TLE3: variants seen among roughly 807,000 people sequenced by gnomAD.
TLE3 encodes the protein transducin-like enhancer protein 3.
A neutral mutation model predicts 93.0 loss-of-function variants in TLE3; 14 were observed. The ratio of observed to expected loss-of-function variants is 0.15; its 90% CI spans 0.10 to 0.24. The LOEUF (loss-of-function observed/expected upper bound fraction) is 0.24, where lower values mean the gene tolerates loss of function less well. TLE3 is among the 10% of genes least tolerant of loss of function. The probability of loss-of-function intolerance (pLI) is 1.00; values close to 1 mark genes in which losing one functional copy is unlikely to be tolerated. For synonymous variants in TLE3, 451 were observed against 425.0 expected, an observed-to-expected ratio of 1.06 and a Z score of -0.75; for missense variants, 693 against 1,046.6, an observed-to-expected ratio of 0.66 and a Z score of 4.66.
chr15:70,064,218 T>C (rs868091512), intron 8 of TLE3, among the ~76,000 whole-genome samples: 11 of 152,318 alleles, frequency 7.2e-5, no homozygotes, highest in Middle Eastern at 3.4e-3. Flanking sequence ...TGACAGTAGC[T>C]ACCCCTCACC....
intron 4 of TLE3, among the ~76,000 whole-genome samples, chr15:70,093,453 G>A (rs2058396125): frequency 6.6e-6 from 1 of 152,198 alleles, no homozygotes; most frequent in Admixed American, 6.5e-5. Flanking sequence ...CCTTGTAAAC[G>A]ACTGTTAATT....
chr15:70,075,346 G>C (rs1338747672), intron 5 of TLE3, among the ~76,000 whole-genome samples: 1 of 152,268 alleles, frequency 6.6e-6, no homozygotes, highest in Non-Finnish European at 1.5e-5. Context: ...AAAAGTGGTT[G>C]CATTAATTCC....
At position 70,058,930 on chromosome 15, in the gene TLE3, A is replaced by T; in HGVS notation, c.766-115T>A. On this transcript the variant is annotated intron_variant, in intron 10 of 19. Transcript: ENST00000451782. This position sits in a 1 kb window ranked among gnomAD's most constrained non-coding sequence, Gnocchi z 4.1. The stretch of plus-strand genomic sequence containing the variant: ...GGCGATGGGAAGACGAGCTTGGCTG[A>T]AAGACTGGGGGCCCCACAGTGAGGA... 1.5e-6 allele frequency: 2 copies of T among 1,378,810 alleles called. No homozygotes were observed. Among genetic ancestry groups the T allele is most frequent in the East Asian group, 5.3e-5 (2 of 37,884 alleles). The allele number at this position is 1,378,810 out of a possible 1,614,324, so 85.4% of individuals were successfully genotyped here. A position where few individuals can be genotyped will look rare whatever the true frequency, so the allele number is the denominator to read the frequency against.
chr15:70,061,277 C>T (rs747281459), intron 8 of TLE3, among the ~76,000 whole-genome samples: 35 of 152,184 alleles, frequency 2.3e-4, no homozygotes, highest in Non-Finnish European at 4.7e-4. Context: ...AAAAATGCCA[C>T]GTCATGAAGC....
At chr15:70,084,439 G>T (rs1370033111) in intron 4 of TLE3, among the ~76,000 whole-genome samples, 1 of 152,210 alleles carries the variant, frequency 6.6e-6, no homozygotes, top group African/African-American at 2.4e-5. Flanking sequence ...GGCAATCCCT[G>T]ATCCACATGT....
At chr15:70,065,106 C>CA (rs1291154965) in intron 7 of TLE3, among the ~76,000 whole-genome samples, 12 of 152,098 alleles carry the variant, frequency 7.9e-5, no homozygotes, top group Non-Finnish European at 1.6e-4. Context: ...TACTGTAAGA[C>CA]AAAAAAATGT....
intron 14 of TLE3, 78 bp from the exon 15 acceptor site, chr15:70,055,376 T>C (rs1674125702): frequency 8.0e-6 from 12 of 1,509,368 alleles, no homozygotes; most frequent in Admixed American, 4.2e-5. Flanking sequence ...CCAGGTCATC[T>C]GCACTGCCCC....
Position 70,054,507 on chromosome 15 carries a change from T to G in TLE3, c.1757A>C (p.Lys586Thr). 6.2e-7 allele frequency: 1 copy of G among 1,614,000 alleles called. No homozygotes were observed. The highest frequency in any genetic ancestry group is 8.5e-7 in the Non-Finnish European group (1 of 1,179,900). The change falls in exon 16 of 20, where the codon AAA becomes ACA. Residue 586 changes from lysine to threonine, a missense_variant. By Grantham distance (78) the Lys-to-Thr change is moderately conservative (BLOSUM62 -1). Around this residue, in one of 4 missense-constraint regions of TLE3, gnomAD observed 153 missense variants for 379.9 expected, o/e 0.40. Transcript: ENST00000451782. ...ATCGCTGCAGCAGGAGAAGCAGACT[T>G]TGGCGTCAGGGCTAATGGCCAGGGC... ...CYALAISPDA[K>T]VCFSCCSDGN...
At chr15:70,064,904 TAAAAAAA>T (rs36022217) in intron 7 of TLE3, among the ~76,000 whole-genome samples, 4 of 137,948 alleles carry the variant, frequency 2.9e-5, no homozygotes, top group Non-Finnish European at 4.7e-5. Context: ...ACTTTATTGT[TAAAAAAA>T]AAAAAAAAAA....
chr15:70,089,195 C>A (rs545760422), intron 4 of TLE3, among the ~76,000 whole-genome samples: 76 of 152,336 alleles, frequency 5.0e-4, no homozygotes, highest in African/African-American at 1.8e-3. Flanking sequence ...TCGCGCCAAG[C>A]AAAGCCCTCA....
intron 4 of TLE3, among the ~76,000 whole-genome samples, chr15:70,082,722 G>C (rs1250945863): frequency 6.6e-6 from 1 of 152,228 alleles, no homozygotes; most frequent in African/African-American, 2.4e-5. Flanking sequence ...GGAAGGGAAG[G>C]GGATGCTGGC....
Position 70,074,527 on chromosome 15 carries a change from ACGT to A in TLE3, c.372+3_372+5del. On this transcript the variant is annotated splice_donor_5th_base_variant and intron_variant, in intron 6 of 19. Coordinates refer to ENST00000451782, the MANE Select transcript of TLE3 (RefSeq NM_001105192.3). The stretch of plus-strand genomic sequence containing the variant: ...CGGTAAGAGGCAGATTGGGGAGTCC[ACGT>A]ACCCCGATGATGGCGTTCAGCTCCG... The A allele has an allele frequency of 6.2e-7, 1 of 1,609,918 alleles. No homozygotes were observed. Among genetic ancestry groups the A allele is most frequent in the Non-Finnish European group, 8.5e-7 (1 of 1,177,476 alleles).
At chr15:70,059,376 C>T (rs1464395271) in intron 10 of TLE3, 34 bp downstream of exon 10, 1 of 1,596,702 alleles carries the variant, frequency 6.3e-7, no homozygotes, top group Admixed American at 1.7e-5. Flanking sequence ...CCATGCCAAA[C>T]CAAGAGCCCC....
chr15:70,094,312 C>G (rs1456735113), intron 4 of TLE3, among the ~76,000 whole-genome samples: 8 of 151,770 alleles, frequency 5.3e-5, no homozygotes, highest in Admixed American at 5.2e-4. Flanking sequence ...AAGACCAGGA[C>G]TAATTTCACA....
chr15:70,086,834 C>T (rs916642572), intron 4 of TLE3, among the ~76,000 whole-genome samples: 6 of 152,150 alleles, frequency 3.9e-5, no homozygotes, highest in African/African-American at 1.4e-4. Flanking sequence ...GCTTTGTCAT[C>T]TCTTCCTCCC....
intron 8 of TLE3, among the ~76,000 whole-genome samples, chr15:70,063,830 G>A (rs964912202): frequency 3.9e-5 from 6 of 152,344 alleles, no homozygotes; most frequent in South Asian, 2.1e-4. Context: ...CTTAATGCTC[G>A]CCTGCTAGCA....
chr15:70,069,319 G>T (rs150431328), intron 6 of TLE3, among the ~76,000 whole-genome samples: 1 of 152,176 alleles, frequency 6.6e-6, no homozygotes, highest in Non-Finnish European at 1.5e-5. Context: ...GTTGGGACAG[G>T]AAGCATCAAT....
rs141619873 is a variant in TLE3, at chr15:70,052,231, G to A, written c.2125+143C>T. On this transcript the variant is annotated intron_variant, in intron 18 of 19. Coordinates refer to ENST00000451782, the MANE Select transcript of TLE3 (RefSeq NM_001105192.3). Reference sequence around the variant, plus strand: ...ACAAGATCACTTAAGGGTGTTGAAGGGGCACCAGCTCAGGGGTCAGGAGGC... The same window carrying A: ...ACAAGATCACTTAAGGGTGTTGAAGAGGCACCAGCTCAGGGGTCAGGAGGC... 7.2e-6 allele frequency: 7 copies of A among 971,394 alleles called. No homozygotes were observed. In the African/African-American group the frequency reaches 8.2e-5, roughly 11 times the overall value. The allele number at this position is 971,394 out of a possible 1,614,324, so 60.2% of individuals were successfully genotyped here. A position where few individuals can be genotyped will look rare whatever the true frequency, so the allele number is the denominator to read the frequency against.
chr15:70,077,294 A>AT (rs2057494483), intron 4 of TLE3, among the ~76,000 whole-genome samples: 3 of 152,322 alleles, frequency 2.0e-5, no homozygotes, highest in Admixed American at 2.0e-4. Flanking sequence ...GACTCTCAGA[A>AT]TTGCTTTTCT....
Sources: gnomAD v4.1 joint callset for allele counts (sites outside exome capture counted in the v4.1 genomes callset) on GRCh38, gnomAD v4.1.1 for gene constraint, gnomAD v4.1.1 regional missense constraint, Gnocchi (gnomAD v3.1) non-coding constraint, MANE v1.5 for transcripts, NCBI Gene and HGNC (gene_info 2026-07-23, HGNC 2026-07-21) for gene names.